CHCHD6: variants seen among roughly 807,000 people sequenced by gnomAD.
CHCHD6 encodes the protein coiled-coil-helix-coiled-coil-helix domain containing 6.
A neutral mutation model predicts 32.3 loss-of-function variants in CHCHD6; 28 were observed. The ratio of observed to expected loss-of-function variants is 0.87; its 90% confidence interval spans 0.64 to 1.19. The LOEUF (loss-of-function observed/expected upper bound fraction) is 1.19, where lower values mean the gene tolerates loss of function less well. Among genes scored for constraint, CHCHD6 ranks in the 50% most tolerant of loss-of-function variants. The pLI is 0.00. For synonymous variants in CHCHD6, 122 were observed against 117.5 expected, an observed-to-expected ratio of 1.04 and a Z score of -0.25; for missense variants, 333 against 307.0, an observed-to-expected ratio of 1.08 and a Z score of -0.63.
chr3:126,720,161 C>G (rs138656943), intron 1 of CHCHD6, among the ~76,000 whole-genome samples: 9 of 152,310 alleles, frequency 5.9e-5, no homozygotes, highest in African/African-American at 2.2e-4. Flanking sequence ...AGATTGGAGG[C>G]GTGAGCCACT....
chr3:126,718,507 T>C (rs4679284), intron 1 of CHCHD6, among the ~76,000 whole-genome samples: 31,277 of 152,176 alleles, frequency 0.21, 3,501 homozygotes, highest in South Asian at 0.35. Context: ...TTAGCTGGGA[T>C]TCAAACCTGG....
At chr3:126,833,772 G>A (rs565431983) in intron 4 of CHCHD6, among the ~76,000 whole-genome samples, 16 of 152,274 alleles carry the variant, frequency 1.1e-4, no homozygotes, top group Non-Finnish European at 1.9e-4. Context: ...TACCAATAAC[G>A]TGGCCGGGCG....
At chr3:126,898,179 A>G (rs1006463516) in intron 5 of CHCHD6, among the ~76,000 whole-genome samples, 5 of 152,248 alleles carry the variant, frequency 3.3e-5, no homozygotes, top group Admixed American at 2.0e-4. Flanking sequence ...CACCCCCTGG[A>G]CTGTCCTTCC....
intron 5 of CHCHD6, among the ~76,000 whole-genome samples, chr3:126,884,942 C>T (rs1313994788): frequency 2.6e-5 from 4 of 152,154 alleles, no homozygotes; most frequent in African/African-American, 9.7e-5. Flanking sequence ...GTGGAGGTTC[C>T]TGGGAGATCC....
intron 4 of CHCHD6, among the ~76,000 whole-genome samples, chr3:126,806,367 C>G: frequency 6.6e-6 from 1 of 151,934 alleles, no homozygotes; most frequent in East Asian, 1.9e-4. Flanking sequence ...AAAAAACAAC[C>G]CCATCAAAAA....
rs146856774 is a variant in CHCHD6 at position 126,908,250 on chromosome 3, G to A, written c.496-6430G>A. On this transcript the variant is annotated intron_variant, in intron 5 of 7. Coordinates refer to ENST00000290913, the MANE Select transcript of CHCHD6 (RefSeq NM_032343.3). ...GCATTTGGAGAAATGTTCTCACTGC[G>A]TGGGAAAGGTTCCAGGTTCCTGATT... Among the ~76,000 whole-genome samples the A allele has an allele frequency of 2.4e-4, 36 of 152,302 alleles. No homozygotes were observed. The East Asian group carries it at 6.4e-3, about 27-fold the overall frequency.
At chr3:126,747,691 C>T (rs144583188) in intron 4 of CHCHD6, among the ~76,000 whole-genome samples, 3 of 152,288 alleles carry the variant, frequency 2.0e-5, no homozygotes, top group Admixed American at 1.3e-4. Context: ...CATCAGGTCT[C>T]GTGGTGTGAC....
chr3:126,803,323 T>A (rs1203342594), intron 4 of CHCHD6, among the ~76,000 whole-genome samples: 1 of 152,032 alleles, frequency 6.6e-6, no homozygotes, highest in African/African-American at 2.4e-5. Flanking sequence ...GAAACCCATC[T>A]CACATGCAGA....
rs190398979 is a variant in CHCHD6 at position 126,797,191 on chromosome 3, G to T, written c.412-55456G>T. On this transcript the variant is annotated intron_variant, in intron 4 of 7. Coordinates refer to ENST00000290913, the MANE Select transcript of CHCHD6 (RefSeq NM_032343.3). ...TCTAGCCCGGCGAGCAGGGAGAGAG[G>T]GTTGCCACCTGGGCATGTGGAAGCA... is the stretch of plus-strand genomic sequence containing the variant. 9.7e-4 allele frequency among the ~76,000 whole-genome samples: 147 copies of T among 152,258 alleles called. 1 individual carries two copies. The highest frequency in any genetic ancestry group is 3.3e-3 in the African/African-American group (136 of 41,556).
chr3:126,738,007 T>G (rs1936123572), intron 4 of CHCHD6, among the ~76,000 whole-genome samples: 2 of 152,158 alleles, frequency 1.3e-5, no homozygotes, highest in Admixed American at 1.3e-4. Context: ...GGTCAAATCC[T>G]CCCACTGAAG....
Position 126,787,196 on chromosome 3 carries a change from T to G in CHCHD6, c.411+53974T>G, listed in dbSNP as rs1309316885. Among the ~76,000 whole-genome samples the G allele has an allele frequency of 9.9e-5, 15 of 152,222 alleles. No individual in the cohort carries two copies. The South Asian group carries it at 1.0e-3, about 11-fold the overall frequency. Reference sequence around the variant, plus strand: ...TCCATTGGTCTGTATCTCTGTTTTGTTACCAGTACCATGCTGTTTTGGTTA... The same window carrying G: ...TCCATTGGTCTGTATCTCTGTTTTGGTACCAGTACCATGCTGTTTTGGTTA... On this transcript the variant is annotated intron_variant, in intron 4 of 7. Transcript: ENST00000290913.
chr3:126,831,895 A>G (rs903060184), intron 4 of CHCHD6, among the ~76,000 whole-genome samples: 1 of 152,168 alleles, frequency 6.6e-6, no homozygotes, highest in Non-Finnish European at 1.5e-5. Context: ...CTGAGTGAGG[A>G]GTGCGAGGGG....
At chr3:126,753,098 T>A (rs909833860) in intron 4 of CHCHD6, among the ~76,000 whole-genome samples, 13 of 152,042 alleles carry the variant, frequency 8.6e-5, no homozygotes, top group Non-Finnish European at 1.6e-4. Flanking sequence ...TTCAAGCGCC[T>A]TTTCCTTGGC....
At chr3:126,719,111 C>G (rs897364109) in intron 1 of CHCHD6, among the ~76,000 whole-genome samples, 1 of 152,176 alleles carries the variant, frequency 6.6e-6, no homozygotes, top group Non-Finnish European at 1.5e-5. Flanking sequence ...GAATGCTTTA[C>G]CCTGGTTGGC....
chr3:126,825,753 T>C (rs1456564841), intron 4 of CHCHD6, among the ~76,000 whole-genome samples: 1 of 152,212 alleles, frequency 6.6e-6, no homozygotes, highest in Non-Finnish European at 1.5e-5. Context: ...TTTTCCATCC[T>C]TTTTTCACCT....
chr3:126,861,405 C>T (rs73203699), intron 5 of CHCHD6, among the ~76,000 whole-genome samples: 3,974 of 152,040 alleles, frequency 0.026, 64 homozygotes, highest in Middle Eastern at 0.065. Context: ...GTTTCTACTT[C>T]GGATCATTAT....
intron 1 of CHCHD6, among the ~76,000 whole-genome samples, chr3:126,724,922 C>T (rs939234415): frequency 1.3e-5 from 2 of 152,224 alleles, no homozygotes; most frequent in East Asian, 1.9e-4. Context: ...TCAGGCTCCA[C>T]TTCTAATTCT....
At chr3:126,773,669 G>A (rs369585267) in intron 4 of CHCHD6, among the ~76,000 whole-genome samples, 5 of 142,322 alleles carry the variant, frequency 3.5e-5, no homozygotes, top group African/African-American at 7.9e-5. Flanking sequence ...GCAGTGGCAC[G>A]ATCTTGGCTC....
chr3:126,802,940 C>T (rs9844289), intron 4 of CHCHD6, among the ~76,000 whole-genome samples: 56 of 152,110 alleles, frequency 3.7e-4, no homozygotes, highest in African/African-American at 1.3e-3. Context: ...ATTTTCAACC[C>T]AGAATTTCAT....
Sources: gnomAD v4.1 joint callset for allele counts (sites outside exome capture counted in the v4.1 genomes callset) on GRCh38, gnomAD v4.1.1 for gene constraint, MANE v1.5 for transcripts, NCBI Gene and HGNC (gene_info 2026-07-23, HGNC 2026-07-21) for gene names.